HDAC4: variants seen among roughly 807,000 people sequenced by gnomAD.
The protein encoded by HDAC4 is histone deacetylase 4.
HDAC4 carries 16 observed loss-of-function variants against 135.1 expected under a neutral mutation model. The ratio of observed to expected loss-of-function variants is 0.12; its 90% CI spans 0.08 to 0.18. The LOEUF (loss-of-function observed/expected upper bound fraction) is 0.18, where lower values mean the gene tolerates loss of function less well. Among genes scored for constraint, HDAC4 ranks in the 10% least tolerant of loss-of-function variants. HDAC4 has a pLI of 1.00. For missense variants in HDAC4, 1,143 were observed against 1,511.8 expected (o/e 0.76, Z 4.05); for synonymous variants, 685 against 653.4 (o/e 1.05, Z -0.74).
rs1424806458 is a variant in HDAC4, at chr2:239,285,586, A to G, written c.23-48922T>C. Reference sequence around the variant, plus strand: ...AGCTGGCCAAAGGTTGGGCTTTTGAAGTACTAGAAACTTCCTCTTCTGGGG... The same window carrying G: ...AGCTGGCCAAAGGTTGGGCTTTTGAGGTACTAGAAACTTCCTCTTCTGGGG... On this transcript the variant is annotated intron_variant, in intron 2 of 26. Transcript: ENST00000543185. This position sits in a 1 kb window ranked among gnomAD's most constrained non-coding sequence, Gnocchi z 4.5. Among the ~76,000 whole-genome samples, 1 of 152,170 alleles carries G rather than the reference A, an allele frequency of 6.6e-6. No homozygotes were observed. Among genetic ancestry groups the G allele is most frequent in the Non-Finnish European group, 1.5e-5 (1 of 68,028 alleles).
In HDAC4 at chr2:239,090,019, C is replaced by G; in HGVS notation, c.2378G>C (p.Gly793Ala). 4 of 1,613,232 alleles carry G rather than the reference C, an allele frequency of 2.5e-6. No homozygotes were observed. Among genetic ancestry groups the G allele is most frequent in the Non-Finnish European group, 3.4e-6 (4 of 1,179,372 alleles). The change falls in exon 18 of 27, where the codon GGG (glycine) becomes GCG (alanine). Residue 793 changes from glycine to alanine, a missense_variant. Gly to Ala is a moderately conservative substitution (Grantham distance 60). Around this residue, in one of 9 missense-constraint regions of HDAC4, gnomAD observed 189 missense variants for 317.6 expected, o/e 0.60. Coordinates refer to ENST00000543185, the MANE Select transcript of HDAC4 (RefSeq NM_001378414.1). The stretch of plus-strand genomic sequence containing the variant: ...CAGGCCCCGACTGACCTTCAGCTCC[C>G]CTGTGGCCACCTTGAAGACCAGCTC... ...VVELVFKVATGELKNGFAVVR... is the reference protein window; with the variant it reads ...VVELVFKVATAELKNGFAVVR...
At chr2:239,207,527 A>C (rs958561429) in intron 3 of HDAC4, among the ~76,000 whole-genome samples, 7 of 152,222 alleles carry the variant, frequency 4.6e-5, no homozygotes, top group African/African-American at 1.7e-4. Flanking sequence ...AAATTAAAAA[A>C]CATTAGGAGT....
intron 4 of HDAC4, among the ~76,000 whole-genome samples, chr2:239,182,124 C>G (rs1470804741): frequency 1.3e-5 from 2 of 152,192 alleles, no homozygotes; most frequent in South Asian, 4.1e-4. Flanking sequence ...GCCCCGAGAG[C>G]ATCCCTGGGC....
Position 239,079,188 on chromosome 2 carries a change from C to T in HDAC4, c.2750+1907G>A, listed in dbSNP as rs570060921. Among the ~76,000 whole-genome samples the T allele has an allele frequency of 8.9e-4, 136 of 152,322 alleles. 1 individual carries two copies. The highest frequency in any genetic ancestry group is 6.8e-3 in the Middle Eastern group (2 of 294). On this transcript the variant is annotated intron_variant, in intron 22 of 26. Coordinates refer to ENST00000543185, the MANE Select transcript of HDAC4 (RefSeq NM_001378414.1). ...GTCCGATTTCATATGAGCTCATTTT[C>T]GGAAGTGGTACACATTGGGGGACGT...
At chr2:239,221,064 G>T (rs1218499018) in intron 3 of HDAC4, among the ~76,000 whole-genome samples, 3 of 152,166 alleles carry the variant, frequency 2.0e-5, no homozygotes, top group Non-Finnish European at 1.5e-5. Flanking sequence ...GTGACCCGCT[G>T]AGTGAGGCAC....
chr2:239,096,963 G>A (rs3791381), intron 16 of HDAC4, among the ~76,000 whole-genome samples: 44,530 of 152,082 alleles, frequency 0.29, 6,732 homozygotes, highest in Non-Finnish European at 0.33. Context: ...AGGAGGCAGG[G>A]GGCAGCAGCT....
intron 11 of HDAC4, among the ~76,000 whole-genome samples, chr2:239,131,841 A>G (rs2040608114): frequency 6.6e-6 from 1 of 152,190 alleles, no homozygotes; most frequent in Non-Finnish European, 1.5e-5. Flanking sequence ...TGACTTATTT[A>G]TTTAACAGCT....
At chr2:239,270,268 G>A (rs2049985748) in intron 2 of HDAC4, among the ~76,000 whole-genome samples, 2 of 152,220 alleles carry the variant, frequency 1.3e-5, no homozygotes, top group South Asian at 4.1e-4. Context: ...AAACAGAAAA[G>A]CGCCGTTGGT....
In HDAC4 at chr2:239,400,189, G is replaced by T. The variant is rs1696862527; in HGVS notation, c.-220+789C>A. Among the ~76,000 whole-genome samples the T allele has an allele frequency of 6.6e-6, 1 of 151,604 alleles. No homozygotes were observed. The highest frequency in any genetic ancestry group is 1.5e-5 in the Non-Finnish European group (1 of 67,856). On this transcript the variant is annotated intron_variant, in intron 1 of 26. Transcript: ENST00000543185. This position sits in a 1 kb window ranked among gnomAD's most constrained non-coding sequence, Gnocchi z 4.7. ...CTGCGGGCTGAGCCGAGCGGGTCCCGGGCAGCCCCCCGCCCTCCCGCGACC... is the reference window on the plus strand; with the variant it reads ...CTGCGGGCTGAGCCGAGCGGGTCCCTGGCAGCCCCCCGCCCTCCCGCGACC...
intron 2 of HDAC4, among the ~76,000 whole-genome samples, chr2:239,295,368 A>G (rs1479408512): frequency 6.6e-6 from 1 of 151,846 alleles, no homozygotes; most frequent in Admixed American, 6.6e-5. Flanking sequence ...GTGAAAAGCA[A>G]AAGAGCAGAT....
At chr2:239,171,784 A>G (rs916706724) in intron 5 of HDAC4, among the ~76,000 whole-genome samples, 1 of 152,252 alleles carries the variant, frequency 6.6e-6, no homozygotes, top group African/African-American at 2.4e-5. Context: ...AAGAAGGAAC[A>G]ATAGGATGGA....
At chr2:239,104,477 G>A (rs968844724) in intron 15 of HDAC4, among the ~76,000 whole-genome samples, 4 of 152,136 alleles carry the variant, frequency 2.6e-5, no homozygotes, top group East Asian at 1.9e-4. Context: ...TGATCCACCC[G>A]CCACGGCCTC....
chr2:239,217,682 C>CA (rs1032045246), intron 3 of HDAC4, among the ~76,000 whole-genome samples: 5 of 152,142 alleles, frequency 3.3e-5, no homozygotes, highest in Admixed American at 1.3e-4. Context: ...AAAAAGAGAG[C>CA]ACGGCCTTCC....
At chr2:239,100,356 G>A (rs760705071) in intron 16 of HDAC4, among the ~76,000 whole-genome samples, 5 of 152,238 alleles carry the variant, frequency 3.3e-5, no homozygotes, top group Non-Finnish European at 1.5e-5. Context: ...GTATCTTCCA[G>A]TCTGAGGAGG....
intron 7 of HDAC4, chr2:239,154,918 A>C (rs1490910647): frequency 2.0e-5 from 3 of 152,398 alleles, no homozygotes; most frequent in African/African-American, 7.2e-5. Flanking sequence ...TTTATGGCCC[A>C]AATGGAAATG....
chr2:239,199,378 G>A (rs79675624), intron 3 of HDAC4, among the ~76,000 whole-genome samples: 2,477 of 152,222 alleles, frequency 0.016, 47 homozygotes, highest in East Asian at 0.09. Context: ...AGAGCTCTTC[G>A]AGTCCCATCA....
At chr2:239,095,430 G>T (rs542466252) in intron 16 of HDAC4, among the ~76,000 whole-genome samples, 4 of 152,280 alleles carry the variant, frequency 2.6e-5, no homozygotes, top group East Asian at 3.9e-4. Flanking sequence ...CCTGCTCCAG[G>T]ACCCCGAGCC....
intron 2 of HDAC4, among the ~76,000 whole-genome samples, chr2:239,296,448 A>G (rs1017518458): frequency 3.2e-4 from 49 of 152,272 alleles, no homozygotes; most frequent in African/African-American, 1.1e-3. Context: ...CTCCTTTTTC[A>G]GATGCAGGCA....
At chr2:239,202,460 G>A (rs2045813667) in intron 3 of HDAC4, among the ~76,000 whole-genome samples, 1 of 152,200 alleles carries the variant, frequency 6.6e-6, no homozygotes, top group Non-Finnish European at 1.5e-5. Flanking sequence ...ACCCAGCGGG[G>A]TGACTCTGGA....
Sources: gnomAD v4.1 joint callset for allele counts (sites outside exome capture counted in the v4.1 genomes callset) on GRCh38, gnomAD v4.1.1 for gene constraint, gnomAD v4.1.1 regional missense constraint, Gnocchi (gnomAD v3.1) non-coding constraint, MANE v1.5 for transcripts, NCBI Gene and HGNC (gene_info 2026-07-23, HGNC 2026-07-21) for gene names.